Variants in VEPH1 observed in about 807,000 individuals in gnomAD.
VEPH1 encodes ventricular zone expressed PH domain containing 1, also known as ventricular zone-expressed PH domain-containing protein homolog 1.
A neutral mutation model predicts 85.2 loss-of-function variants in VEPH1; 80 were observed. The ratio of observed to expected loss-of-function variants is 0.94; its 90% CI spans 0.78 to 1.13. The LOEUF is 1.13. Ranked by LOEUF, VEPH1 falls within the 50% of genes most tolerant of loss-of-function variation. The pLI is 0.00. For missense variants in VEPH1, 955 were observed against 980.5 expected, an observed-to-expected ratio of 0.97 and a Z score of 0.35; for synonymous variants, 297 against 348.0, an observed-to-expected ratio of 0.85 and a Z score of 1.63.
chr3:157,448,113 G>T (rs956906351), intron 4 of VEPH1, among the ~76,000 whole-genome samples: 2 of 151,962 alleles, frequency 1.3e-5, no homozygotes, highest in African/African-American at 4.8e-5. Flanking sequence ...TATTAAATGG[G>T]GGGGGGACAA....
At chr3:157,414,560 C>T (rs1465215825) in intron 5 of VEPH1, among the ~76,000 whole-genome samples, 13 of 152,092 alleles carry the variant, frequency 8.5e-5, no homozygotes, top group Admixed American at 8.5e-4. Context: ...AGATCTCCCA[C>T]ATTTTCTTCA....
At chr3:157,403,403 CA>C (rs1351383402) in intron 6 of VEPH1, among the ~76,000 whole-genome samples, 1 of 152,128 alleles carries the variant, frequency 6.6e-6, no homozygotes, top group African/African-American at 2.4e-5. Context: ...GAATATTACA[CA>C]AAAGTGTCAA....
intron 4 of VEPH1, chr3:157,438,055 A>G (rs1200916094): frequency 1.2e-5 from 9 of 736,904 alleles, no homozygotes; most frequent in African/African-American, 5.7e-5. Flanking sequence ...ACACACACAC[A>G]CACACACACA....
intron 9 of VEPH1, 90 bp downstream of exon 9, chr3:157,363,274 A>G (rs1726256461): frequency 3.1e-6 from 4 of 1,282,224 alleles, no homozygotes; most frequent in Non-Finnish European, 4.2e-6. Context: ...AGATCCAGAA[A>G]AGAGTATGCT....
At chr3:157,438,205 T>A (rs980126767) in intron 4 of VEPH1, among the ~76,000 whole-genome samples, 1 of 151,900 alleles carries the variant, frequency 6.6e-6, no homozygotes, top group Non-Finnish European at 1.5e-5. Flanking sequence ...AGTCTTGAAA[T>A]AGACGTCTAG....
intron 4 of VEPH1, chr3:157,437,640 G>C (rs748052518): frequency 6.5e-7 from 1 of 1,549,340 alleles, no homozygotes; most frequent in South Asian, 1.2e-5. Flanking sequence ...GCGAGCTGCA[G>C]AGGCTGCGGG....
At chr3:157,341,591 A>G (rs1278792940) in intron 9 of VEPH1, among the ~76,000 whole-genome samples, 9 of 152,234 alleles carry the variant, frequency 5.9e-5, no homozygotes, top group African/African-American at 2.2e-4. Flanking sequence ...ACCAAGTTGG[A>G]AAACACTCTT....
At chr3:157,294,854 T>G (rs746057427) in intron 11 of VEPH1, among the ~76,000 whole-genome samples, 110 of 152,156 alleles carry the variant, frequency 7.2e-4, no homozygotes, top group Non-Finnish European at 1.4e-3. Flanking sequence ...CTAGAGAGAT[T>G]TATTTTCCCA....
At chr3:157,422,927 T>TA (rs146221574) in intron 5 of VEPH1, among the ~76,000 whole-genome samples, 10,935 of 152,158 alleles carry the variant, frequency 0.072, 598 homozygotes, top group South Asian at 0.22. Context: ...CTGCCTTTTA[T>TA]AAAAAAGATA....
chr3:157,482,250 G>A (rs901099238), intron 2 of VEPH1, among the ~76,000 whole-genome samples: 7 of 151,990 alleles, frequency 4.6e-5, no homozygotes, highest in African/African-American at 7.2e-5. Flanking sequence ...TTAAGACAGA[G>A]TCTCACTCTG....
intron 4 of VEPH1, chr3:157,437,685 G>T (rs1733726468): frequency 3.3e-6 from 5 of 1,534,174 alleles, no homozygotes; most frequent in Non-Finnish European, 4.4e-6. Flanking sequence ...GCCTGGCGAG[G>T]CCGTGCGCGC....
intron 6 of VEPH1, among the ~76,000 whole-genome samples, chr3:157,408,263 A>G (rs1190155974): frequency 6.6e-6 from 1 of 152,134 alleles, no homozygotes. Flanking sequence ...TTTGTTGTAT[A>G]ATGACTCCAT....
intron 4 of VEPH1, among the ~76,000 whole-genome samples, chr3:157,433,735 T>G (rs1290331054): frequency 6.6e-6 from 1 of 152,234 alleles, no homozygotes; most frequent in African/African-American, 2.4e-5. Context: ...TTAGTAGACA[T>G]GTAAAATGAA....
chr3:157,293,320 T>C (rs1001781961), intron 11 of VEPH1, among the ~76,000 whole-genome samples: 54 of 152,338 alleles, frequency 3.5e-4, no homozygotes, highest in African/African-American at 1.2e-3. Context: ...CTCATATTTC[T>C]ATGCCTAATT....
intron 13 of VEPH1, among the ~76,000 whole-genome samples, chr3:157,262,756 T>C (rs1713082209): frequency 6.6e-6 from 1 of 152,200 alleles, no homozygotes; most frequent in South Asian, 2.1e-4. Context: ...AAAGTGTTGC[T>C]GCAACTTAAA....
intron 4 of VEPH1, chr3:157,437,446 G>A: frequency 6.5e-7 from 1 of 1,547,944 alleles, no homozygotes; most frequent in Admixed American, 1.9e-5. Flanking sequence ...AGGGAGGTCA[G>A]CTTTTACAAA....
intron 7 of VEPH1, among the ~76,000 whole-genome samples, chr3:157,366,779 C>G (rs60572135): frequency 6.6e-6 from 1 of 151,992 alleles, no homozygotes. Context: ...ACAACAACAA[C>G]AAAAAACACT....
intron 12 of VEPH1, among the ~76,000 whole-genome samples, chr3:157,277,917 T>G (rs1376641210): frequency 6.6e-6 from 1 of 152,226 alleles, no homozygotes; most frequent in Non-Finnish European, 1.5e-5. Flanking sequence ...TGAGTCATTG[T>G]TAATTCATTT....
At chr3:157,437,951 G>A in intron 4 of VEPH1, 2 of 1,519,398 alleles carry the variant, frequency 1.3e-6, no homozygotes, top group East Asian at 5.1e-5. Context: ...TCCCACTGCG[G>A]CTTTGTTCCG....
Sources: allele counts gnomAD v4.1 joint callset (sites outside exome capture counted in the v4.1 genomes callset), GRCh38; gene constraint gnomAD v4.1.1; transcripts MANE v1.5; gene names NCBI Gene and HGNC (gene_info 2026-07-23, HGNC 2026-07-21).